Variants in DCC observed in about 807,000 individuals in gnomAD.
The protein encoded by DCC is DCC netrin 1 receptor, also known as netrin receptor DCC.
In DCC, 58 loss-of-function variants were observed where a neutral mutation model predicts 172.5. The ratio of observed to expected loss-of-function variants is 0.34; its 90% confidence interval spans 0.27 to 0.42. The LOEUF is 0.42. Among genes scored for constraint, DCC ranks in the 10% least tolerant of loss-of-function variants. The pLI is 1.00. For synonymous variants in DCC, 709 were observed against 644.5 expected, an observed-to-expected ratio of 1.10 and a Z score of -1.52; for missense variants, 1,740 against 1,791.0, an observed-to-expected ratio of 0.97 and a Z score of 0.51.
intron 1 of DCC, among the ~76,000 whole-genome samples, chr18:52,606,170 A>G (rs1036253342): frequency 6.6e-6 from 1 of 152,118 alleles, no homozygotes; most frequent in African/African-American, 2.4e-5. Context: ...GCTGGAAAAT[A>G]TAGTTAGCTC....
At chr18:52,374,117 C>T (rs1423916095) in intron 1 of DCC, among the ~76,000 whole-genome samples, 1 of 151,822 alleles carries the variant, frequency 6.6e-6, no homozygotes, top group Admixed American at 6.6e-5. Context: ...TGGTCTCGAT[C>T]TCCTGACCTC....
intron 7 of DCC, among the ~76,000 whole-genome samples, chr18:53,123,404 C>G (rs2043511509): frequency 6.6e-6 from 1 of 151,958 alleles, no homozygotes; most frequent in Admixed American, 6.6e-5. Context: ...GGGGCTAGAT[C>G]AGTGAAGCAG....
At chr18:52,756,700 C>T (rs2037081512) in intron 2 of DCC, among the ~76,000 whole-genome samples, 1 of 152,132 alleles carries the variant, frequency 6.6e-6, no homozygotes, top group East Asian at 1.9e-4. Context: ...CCAAGCACAT[C>T]TTCCCTACTC....
chr18:53,314,137 C>T (rs977798019), intron 13 of DCC, among the ~76,000 whole-genome samples: 1 of 152,130 alleles, frequency 6.6e-6, no homozygotes, highest in African/African-American at 2.4e-5. Flanking sequence ...AAAAGAGCCT[C>T]CAGTACATCT....
At chr18:52,901,946 A>C (rs1447309836) in intron 2 of DCC, among the ~76,000 whole-genome samples, 2 of 152,206 alleles carry the variant, frequency 1.3e-5, no homozygotes, top group Non-Finnish European at 2.9e-5. Context: ...GTACTATAAA[A>C]ATTTAAAAGG....
At position 52,855,183 on chromosome 18, in the gene DCC, C is replaced by T. The variant is rs569531458; in HGVS notation, c.413-50861C>T. The stretch of plus-strand genomic sequence containing the variant: ...CCAGGTTCTAGTGCTTTCCAGCCTC[C>T]CGATCAGTCCCCACTATTTCCAGTT... On this transcript the variant is annotated intron_variant, in intron 2 of 28. Coordinates refer to ENST00000442544, the MANE Select transcript of DCC (RefSeq NM_005215.4). Among the ~76,000 whole-genome samples, 335 of 152,290 alleles carry T rather than the reference C, an allele frequency of 2.2e-3. 2 individuals are homozygous for T. The highest frequency in any genetic ancestry group is 7.7e-3 in the African/African-American group (318 of 41,556).
intron 13 of DCC, among the ~76,000 whole-genome samples, chr18:53,315,240 C>G (rs373387053): frequency 6.6e-6 from 1 of 152,064 alleles, no homozygotes; most frequent in Non-Finnish European, 1.5e-5. Context: ...TGTGTTAGTT[C>G]GCTGAAAATG....
At chr18:53,343,526 T>C (rs571384503) in intron 15 of DCC, among the ~76,000 whole-genome samples, 2 of 152,034 alleles carry the variant, frequency 1.3e-5, no homozygotes, top group African/African-American at 4.8e-5. Flanking sequence ...TGTATTATCC[T>C]TTTCTTATGT....
intron 8 of DCC, among the ~76,000 whole-genome samples, chr18:53,173,274 G>A (rs574770866): frequency 1.8e-4 from 27 of 152,136 alleles, no homozygotes; most frequent in African/African-American, 5.3e-4. Flanking sequence ...CCTAGAAGTC[G>A]GAATTCAGCC....
chr18:52,494,163 A>T (rs576017322), intron 1 of DCC, among the ~76,000 whole-genome samples: 2 of 152,092 alleles, frequency 1.3e-5, no homozygotes, highest in South Asian at 4.1e-4. Flanking sequence ...GAGGTCAACT[A>T]TTATTTCTCC....
chr18:53,293,106 ATGT>A (rs781045904), intron 12 of DCC, among the ~76,000 whole-genome samples: 11 of 152,342 alleles, frequency 7.2e-5, no homozygotes, highest in South Asian at 4.1e-4. Context: ...GGGAGAGATA[ATGT>A]TGTAATACAT....
intron 1 of DCC, among the ~76,000 whole-genome samples, chr18:52,743,936 A>G (rs1228658019): frequency 6.6e-6 from 1 of 152,202 alleles, no homozygotes; most frequent in Non-Finnish European, 1.5e-5. Flanking sequence ...TGACACTAAA[A>G]TCACTTCCTG....
At chr18:53,303,626 T>C (rs149156211) in intron 12 of DCC, among the ~76,000 whole-genome samples, 125 of 152,324 alleles carry the variant, frequency 8.2e-4, no homozygotes, top group African/African-American at 2.9e-3. Flanking sequence ...GTTTGGCTGC[T>C]GCACCCTCAA....
chr18:53,081,123 C>T (rs988533949), intron 7 of DCC, among the ~76,000 whole-genome samples: 1 of 152,000 alleles, frequency 6.6e-6, no homozygotes, highest in Non-Finnish European at 1.5e-5. Context: ...TCCCCCCCTC[C>T]CCTCTTTATT....
Position 52,821,576 on chromosome 18 carries a change from C to T in DCC, c.412+69202C>T, listed in dbSNP as rs531233589. ...CCCTTCAATGAGGCTTTTCTCTAAT[C>T]CCTCCATTAAGACCAATCTCATGAA... On this transcript the variant is annotated intron_variant, in intron 2 of 28. Coordinates refer to ENST00000442544, the MANE Select transcript of DCC (RefSeq NM_005215.4). Among the ~76,000 whole-genome samples the T allele has an allele frequency of 4.0e-4, 61 of 152,274 alleles. 1 individual carries two copies. The highest frequency in any genetic ancestry group is 2.1e-3 in the South Asian group (10 of 4,824).
At chr18:52,681,091 C>G (rs958828073) in intron 1 of DCC, among the ~76,000 whole-genome samples, 1 of 152,066 alleles carries the variant, frequency 6.6e-6, no homozygotes, top group Non-Finnish European at 1.5e-5. Context: ...TCAATTTATA[C>G]TATCACATTT....
chr18:52,738,708 A>G (rs907730558), intron 1 of DCC, among the ~76,000 whole-genome samples: 1 of 149,688 alleles, frequency 6.7e-6, no homozygotes, highest in Non-Finnish European at 1.5e-5. Context: ...ACTTTTTTTT[A>G]CTTTATAAAC....
chr18:53,177,350 ATTTAC>A (rs2055118821), intron 8 of DCC, among the ~76,000 whole-genome samples: 2 of 152,020 alleles, frequency 1.3e-5, no homozygotes, highest in Non-Finnish European at 2.9e-5. Flanking sequence ...GAAAAAAATT[ATTTAC>A]TTATTAAACA....
chr18:52,526,168 T>C (rs2144674983), intron 1 of DCC, among the ~76,000 whole-genome samples: 1 of 152,292 alleles, frequency 6.6e-6, no homozygotes, highest in East Asian at 1.9e-4. Flanking sequence ...TGTTTGAGGA[T>C]TTAGTAAACC....
Sources: gnomAD v4.1 joint callset for allele counts (sites outside exome capture counted in the v4.1 genomes callset) on GRCh38, gnomAD v4.1.1 for gene constraint, MANE v1.5 for transcripts, NCBI Gene and HGNC (gene_info 2026-07-23, HGNC 2026-07-21) for gene names.